TRDN: variants seen among roughly 807,000 people sequenced by gnomAD.
TRDN encodes the protein triadin.
A neutral mutation model predicts 149.7 loss-of-function variants in TRDN; 161 were observed. The observed-to-expected ratio is 1.08, with a 90% CI of 0.95 to 1.23. The LOEUF is 1.23. Ranked by LOEUF, TRDN falls within the 50% of genes most tolerant of loss-of-function variation. The pLI, the probability that TRDN is intolerant of heterozygous loss-of-function variation, is 0.00. For missense variants in TRDN, 896 were observed against 823.5 expected (o/e 1.09, Z -1.08); for synonymous variants, 294 against 250.5 (o/e 1.17, Z -1.64).
At chr6:123,528,931 C>G in intron 5 of TRDN, 2 of 1,143,360 alleles carry the variant, frequency 1.7e-6, no homozygotes, top group Non-Finnish European at 2.2e-6. Context: ...GAAATATATT[C>G]AGGTTGATAA....
intron 2 of TRDN, among the ~76,000 whole-genome samples, chr6:123,566,214 A>C (rs575110455): frequency 2.2e-4 from 33 of 152,294 alleles, no homozygotes; most frequent in African/African-American, 7.9e-4. Flanking sequence ...AATTTGTCTC[A>C]TTTGATAAGA....
At chr6:123,620,737 C>T (rs1785339758) in intron 1 of TRDN, among the ~76,000 whole-genome samples, 1 of 152,062 alleles carries the variant, frequency 6.6e-6, no homozygotes, top group East Asian at 1.9e-4. Context: ...AAATTAACTG[C>T]CTGAAGTTGT....
At chr6:123,263,718 T>C (rs1380546280) in intron 33 of TRDN, among the ~76,000 whole-genome samples, 3 of 152,078 alleles carry the variant, frequency 2.0e-5, no homozygotes, top group Non-Finnish European at 4.4e-5. Context: ...AGTCAATATC[T>C]GGCTTCAAAG....
At chr6:123,288,729 G>A (rs375743455) in intron 24 of TRDN, among the ~76,000 whole-genome samples, 12 of 152,146 alleles carry the variant, frequency 7.9e-5, no homozygotes, top group African/African-American at 2.6e-4. Context: ...TGAATGATAA[G>A]TGTTGATGAG....
chr6:123,438,509 G>A (rs1774707327), intron 11 of TRDN, among the ~76,000 whole-genome samples: 1 of 151,746 alleles, frequency 6.6e-6, no homozygotes, highest in Non-Finnish European at 1.5e-5. Flanking sequence ...AGTTCACTTG[G>A]GACATCAGAT....
intron 9 of TRDN, among the ~76,000 whole-genome samples, chr6:123,482,715 T>G (rs1159139277): frequency 3.3e-5 from 5 of 152,190 alleles, no homozygotes; most frequent in African/African-American, 9.6e-5. Flanking sequence ...TTGTACTTTT[T>G]TCATATCTAT....
chr6:123,255,901 T>C lies in TRDN; in HGVS notation c.1872A>G (p.Glu624=). ...KTEISEKESK[E]KADMKHLREE... ...CTCTAAGATGCTTCATGTCTGCTTTTTCTGTATAGAAGAAACAGTAACAGG... is the reference window on the plus strand; with the variant it reads ...CTCTAAGATGCTTCATGTCTGCTTTCTCTGTATAGAAGAAACAGTAACAGG... Residue 624 remains glutamate (E), a splice_region_variant and synonymous_variant, in exon 36 of 41, where the codon GAA becomes GAG. Transcript: ENST00000334268. The C allele has an allele frequency of 7.6e-7, 1 of 1,312,928 alleles. No individual in the cohort carries two copies. Among genetic ancestry groups the C allele is most frequent in the Non-Finnish European group, 9.9e-7 (1 of 1,013,530 alleles). 81.3% of individuals were successfully genotyped at this position (1,312,928 alleles called of 1,614,324 possible).
At chr6:123,491,104 C>CA (rs5879684) in intron 9 of TRDN, among the ~76,000 whole-genome samples, 1,583 of 117,520 alleles carry the variant, frequency 0.013, 33 homozygotes, top group African/African-American at 0.042. Context: ...GACTACATCT[C>CA]AAAAAAAAAA....
At chr6:123,415,000 C>T (rs1259744634) in intron 12 of TRDN, among the ~76,000 whole-genome samples, 1 of 152,074 alleles carries the variant, frequency 6.6e-6, no homozygotes, top group Admixed American at 6.6e-5. Context: ...TTCATTCATT[C>T]AGCAAATATT....
intron 7 of TRDN, 91 bp from the exon 8 acceptor site, chr6:123,503,992 G>A: frequency 7.3e-7 from 1 of 1,362,274 alleles, no homozygotes; most frequent in Non-Finnish European, 9.7e-7. Context: ...AATTGGAAAA[G>A]AAAGAGGGAA....
chr6:123,267,521 G>T (rs376444483), intron 32 of TRDN, among the ~76,000 whole-genome samples, 186 bp downstream of exon 32: 1 of 151,998 alleles, frequency 6.6e-6, no homozygotes, highest in South Asian at 2.1e-4. Context: ...TGCATGTTTG[G>T]CAATCTATGT....
intron 9 of TRDN, among the ~76,000 whole-genome samples, chr6:123,472,502 G>C (rs1053864759): frequency 6.6e-6 from 1 of 152,246 alleles, no homozygotes; most frequent in Non-Finnish European, 1.5e-5. Context: ...GCAAGGCTGG[G>C]GGAGGGGCGC....
chr6:123,377,763 A>G, intron 17 of TRDN, 21 bp from the exon 18 acceptor site: 1 of 1,613,192 alleles, frequency 6.2e-7, no homozygotes, highest in Non-Finnish European at 8.5e-7. Context: ...AAGGAAAGAA[A>G]AAAAAATCAG....
At chr6:123,320,124 T>C (rs918202348) in intron 23 of TRDN, among the ~76,000 whole-genome samples, 1 of 147,218 alleles carries the variant, frequency 6.8e-6, no homozygotes, top group Non-Finnish European at 1.5e-5. Flanking sequence ...CTAAATATCA[T>C]AGATTTTTTT....
chr6:123,283,985 C>CATATATATAT lies in TRDN; in HGVS notation c.1511-4913_1511-4904dup, dbSNP rs57419103. 2.0e-3 allele frequency among the ~76,000 whole-genome samples: 115 copies of CATATATATAT among 57,196 alleles called. 14 individuals carry two copies. Among genetic ancestry groups the CATATATATAT allele is most frequent in the East Asian group, 8.7e-3 (15 of 1,724 alleles). 37.5% of individuals were successfully genotyped at this position (57,196 alleles called of 152,430 possible). A position where few individuals can be genotyped will look rare whatever the true frequency, so the allele number is the denominator to read the frequency against. ...ATAGGTGCAGCACACCAACATGGCACATATATATATATATATATGTAACAA... is the reference window on the plus strand; with the variant it reads ...ATAGGTGCAGCACACCAACATGGCACATATATATATATATATATATATATATATGTAACAA... On this transcript the variant is annotated intron_variant, in intron 24 of 40. Transcript: ENST00000334268.
chr6:123,408,088 T>A (rs1348619469), intron 12 of TRDN, among the ~76,000 whole-genome samples: 1 of 152,176 alleles, frequency 6.6e-6, no homozygotes, highest in Non-Finnish European at 1.5e-5. Flanking sequence ...TTAACAATGG[T>A]ACCTGGTTTT....
At chr6:123,437,194 G>A (rs1774612452) in intron 12 of TRDN, among the ~76,000 whole-genome samples, 1 of 151,948 alleles carries the variant, frequency 6.6e-6, no homozygotes, top group Non-Finnish European at 1.5e-5. Flanking sequence ...ATGTGGTATT[G>A]TTATTACTAT....
intron 12 of TRDN, among the ~76,000 whole-genome samples, chr6:123,430,566 G>C (rs2114569735): frequency 6.6e-6 from 1 of 151,980 alleles, no homozygotes; most frequent in South Asian, 2.1e-4. Flanking sequence ...TGGTGACAGA[G>C]CAAGACTCTG....
intron 14 of TRDN, among the ~76,000 whole-genome samples, chr6:123,388,118 A>T (rs1188271174): frequency 6.6e-6 from 1 of 152,112 alleles, no homozygotes; most frequent in Non-Finnish European, 1.5e-5. Flanking sequence ...GGAGAAAAAA[A>T]AAAACAGATA....
Sources: allele counts gnomAD v4.1 joint callset (sites outside exome capture counted in the v4.1 genomes callset), GRCh38; gene constraint gnomAD v4.1.1; transcripts MANE v1.5; gene names NCBI Gene and HGNC (gene_info 2026-07-23, HGNC 2026-07-21).